Variants in SEC14L6 observed in about 807,000 individuals in gnomAD.
The protein encoded by SEC14L6 is SEC14 like lipid binding 6.
SEC14L6 carries 40 observed loss-of-function variants against 54.1 expected under a neutral mutation model. The observed-to-expected ratio is 0.74, with a 90% confidence interval of 0.57 to 0.96. The LOEUF (loss-of-function observed/expected upper bound fraction) is 0.96. SEC14L6 is among the 40% of genes least tolerant of loss of function. SEC14L6 has a pLI of 0.00. For synonymous variants in SEC14L6, 171 were observed against 198.4 expected (o/e 0.86, Z 1.16); for missense variants, 471 against 498.3 (o/e 0.95, Z 0.52).
At chr22:30,529,397 T>C in intron 6 of SEC14L6, 48 bp from the exon 7 acceptor site, 1 of 1,448,356 alleles carries the variant, frequency 6.9e-7, no homozygotes, top group Non-Finnish European at 9.5e-7. Flanking sequence ...CACTGTCCCC[T>C]TGCATCCCCT....
chr22:30,531,028 C>T (rs1021456603), intron 6 of SEC14L6, among the ~76,000 whole-genome samples: 2 of 152,168 alleles, frequency 1.3e-5, no homozygotes, highest in Admixed American at 6.5e-5. Context: ...ACCTGCTGAA[C>T]ATGAGATGGT....
intron 1 of SEC14L6, chr22:30,543,231 C>T: frequency 6.2e-7 from 1 of 1,600,930 alleles, no homozygotes; most frequent in East Asian, 2.2e-5. Context: ...CCCGCGGGGA[C>T]ATTCACTCTC....
chr22:30,532,046 C>T, intron 5 of SEC14L6, 48 bp from the exon 6 acceptor site: 1 of 1,536,528 alleles, frequency 6.5e-7, no homozygotes, highest in Non-Finnish European at 8.8e-7. Context: ...CCACTGCCCC[C>T]ACCCATCCAA....
At chr22:30,526,703 T>C (rs1369751085) in intron 8 of SEC14L6, among the ~76,000 whole-genome samples, 1 of 151,998 alleles carries the variant, frequency 6.6e-6, no homozygotes, top group Non-Finnish European at 1.5e-5. Flanking sequence ...TACTCCAGCC[T>C]GGGCAACAGA....
At chr22:30,543,544 G>C in intron 1 of SEC14L6, 1 of 1,613,492 alleles carries the variant, frequency 6.2e-7, no homozygotes, top group Non-Finnish European at 8.5e-7. Flanking sequence ...CCACAGGGAT[G>C]ATGTGAAGCT....
At chr22:30,527,631 C>A (rs1936817934) in intron 8 of SEC14L6, among the ~76,000 whole-genome samples, 1 of 145,860 alleles carries the variant, frequency 6.9e-6, no homozygotes, top group Non-Finnish European at 1.5e-5. Context: ...GAGAGGACTG[C>A]TTGAGCCCTG....
Position 30,533,990 on chromosome 22 carries a change from C to T in SEC14L6, c.174+6G>A, listed in dbSNP as rs1328699284. 6.5e-7 allele frequency: 1 copy of T among 1,550,256 alleles called. No individual in the cohort carries two copies. Among genetic ancestry groups the T allele is most frequent in the African/African-American group, 1.4e-5 (1 of 73,156 alleles). On this transcript the variant is annotated splice_donor_region_variant and intron_variant, in intron 3 of 11. Transcript: ENST00000402034. The stretch of plus-strand genomic sequence containing the variant: ...CAGGCTAGGCAGGGGGAGGTGTCAA[C>T]CTCACCTTCCTCAGCATGTCCTCTG...
At chr22:30,546,326 T>G (rs1029684624) in intron 1 of SEC14L6, among the ~76,000 whole-genome samples, 2 of 135,742 alleles carry the variant, frequency 1.5e-5, no homozygotes, top group Non-Finnish European at 3.0e-5. Context: ...GAAGTTGCAG[T>G]GAGCCAAGAT....
chr22:30,543,621 C>T (rs775637556), intron 1 of SEC14L6: 2 of 1,613,378 alleles, frequency 1.2e-6, no homozygotes, highest in Non-Finnish European at 1.7e-6. Flanking sequence ...AGGTCTCAGC[C>T]CACCTGAAGG....
intron 1 of SEC14L6, 43 bp downstream of exon 1, chr22:30,546,586 A>G: frequency 6.6e-7 from 1 of 1,525,662 alleles, no homozygotes. Context: ...CCGTGGCAGA[A>G]GGAGAAACTG....
chr22:30,541,345 GC>G (rs1230477080), intron 1 of SEC14L6, among the ~76,000 whole-genome samples: 1 of 152,160 alleles, frequency 6.6e-6, no homozygotes, highest in Non-Finnish European at 1.5e-5. Flanking sequence ...GTGTTTAATT[GC>G]TTTTCATCAA....
At chr22:30,537,612 C>T (rs2097870) in intron 2 of SEC14L6, among the ~76,000 whole-genome samples, 2,712 of 152,196 alleles carry the variant, frequency 0.018, 77 homozygotes, top group African/African-American at 0.061. Context: ...TGAGAGAGAG[C>T]GAGCGAGCAA....
chr22:30,525,361 T>G lies in SEC14L6; in HGVS notation c.1070A>C (p.Gln357Pro). 1 of 1,614,120 alleles carries G rather than the reference T, an allele frequency of 6.2e-7. No homozygotes were observed. Among genetic ancestry groups the G allele is most frequent in the South Asian group, 1.1e-5 (1 of 91,080 alleles). Residue 357 changes from glutamine (Q) to proline (P), a missense_variant, in exon 11 of 12, where the codon CAG (glutamine) becomes CCG (proline). Physicochemically the swap from Gln to Pro is moderately conservative, Grantham distance 76. Transcript: ENST00000402034. ...CTGCCAACTCTTACAGCTGCCGGCC[T>G]GGAGGCAGGTGAGAATCCCATCTTC... Reference protein sequence around the residue: ...VPEDGILTCLQAGSYVLRFYN... With the variant: ...VPEDGILTCLPAGSYVLRFYN...
At chr22:30,546,333 A>G (rs911357181) in intron 1 of SEC14L6, among the ~76,000 whole-genome samples, 61 of 149,372 alleles carry the variant, frequency 4.1e-4, no homozygotes, top group Non-Finnish European at 2.1e-4. Context: ...CAGTGAGCCA[A>G]GATTGTGCCG....
chr22:30,538,799 C>T (rs921990155), intron 2 of SEC14L6, 28 bp downstream of exon 2: 3 of 1,500,872 alleles, frequency 2.0e-6, no homozygotes, highest in Admixed American at 2.0e-5. Context: ...GCCATTGACC[C>T]TACCCCAGCC....
intron 1 of SEC14L6, chr22:30,543,505 A>T (rs2085760213): frequency 6.2e-7 from 1 of 1,613,006 alleles, no homozygotes; most frequent in East Asian, 2.2e-5. Context: ...CTACAACTGG[A>T]TGAGCTGGCT....
In SEC14L6 at chr22:30,546,640, A is replaced by G. The variant is rs2085802152; in HGVS notation, c.43T>C (p.Ser15Pro). ...CTCCCTTCACTCACCTGGGCCAGCG[A>G]CTTCTCCTGCGATGGGCTCAGGTCA... ...VGDLSPSQEKSLAQFRENIQD... is the reference protein window; with the variant it reads ...VGDLSPSQEKPLAQFRENIQD... Residue 15 changes from serine to proline, a missense_variant, in exon 1 of 12, where the codon TCG becomes CCG. Transcript: ENST00000402034. The G allele has an allele frequency of 6.5e-7, 1 of 1,550,188 alleles. No homozygotes were observed. The highest frequency in any genetic ancestry group is 1.4e-5 in the African/African-American group (1 of 72,942).
intron 2 of SEC14L6, among the ~76,000 whole-genome samples, chr22:30,534,891 G>T (rs1012054051): frequency 6.6e-6 from 1 of 152,006 alleles, no homozygotes; most frequent in African/African-American, 2.4e-5. Flanking sequence ...TGGGCATGGT[G>T]GTGGGCACCT....
chr22:30,537,616 C>T (rs1027365881), intron 2 of SEC14L6, among the ~76,000 whole-genome samples: 1 of 152,072 alleles, frequency 6.6e-6, no homozygotes, highest in African/African-American at 2.4e-5. Context: ...AGAGAGCGAG[C>T]GAGCAAGCCT....
Sources: allele counts gnomAD v4.1 joint callset (sites outside exome capture counted in the v4.1 genomes callset), GRCh38; gene constraint gnomAD v4.1.1; transcripts MANE v1.5; gene names NCBI Gene and HGNC (gene_info 2026-07-23, HGNC 2026-07-21).